The following CDH23 variants were observed in gnomAD, a reference collection of about 807,000 sequenced individuals.
CDH23 encodes the protein cadherin-23.
A neutral mutation model predicts 317.1 loss-of-function variants in CDH23; 189 were observed. The observed-to-expected ratio is 0.60, with a 90% confidence interval of 0.53 to 0.67. CDH23 has a LOEUF of 0.67. Ranked by LOEUF, CDH23 falls within the 30% of genes least tolerant of loss-of-function variation. The pLI, the probability that CDH23 is intolerant of heterozygous loss-of-function variation, is 0.00. For missense variants in CDH23, 4,401 were observed against 4,592.4 expected, an observed-to-expected ratio of 0.96 and a Z score of 1.20; for synonymous variants, 1,839 against 1,876.8, an observed-to-expected ratio of 0.98 and a Z score of 0.52.
intron 14 of CDH23, among the ~76,000 whole-genome samples, chr10:71,660,324 A>G (rs1244031664): frequency 6.6e-6 from 1 of 152,184 alleles, no homozygotes; most frequent in Non-Finnish European, 1.5e-5. Flanking sequence ...CCAGCAACAG[A>G]GACCCCAAAA....
Position 71,760,972 on chromosome 10 carries a change from G to A in CDH23, c.4846-16708G>A, listed in dbSNP as rs180989338. ...CATTAGGTGGGTGTCAGGCCCAGGAGGCCAGGGAGGCTTGTCCAGGCCAGT... is the reference window on the plus strand; with the variant it reads ...CATTAGGTGGGTGTCAGGCCCAGGAAGCCAGGGAGGCTTGTCCAGGCCAGT... On this transcript the variant is annotated intron_variant, in intron 38 of 69. Coordinates refer to ENST00000224721, the MANE Select transcript of CDH23 (RefSeq NM_022124.6). 1.4e-4 allele frequency: 229 copies of A among 1,585,276 alleles called. 2 individuals are homozygous for A. The Admixed American group carries it at 3.7e-3, about 26-fold the overall frequency.
chr10:71,553,683 A>G (rs1339848098), intron 6 of CDH23, among the ~76,000 whole-genome samples: 1 of 152,228 alleles, frequency 6.6e-6, no homozygotes, highest in African/African-American at 2.4e-5. Flanking sequence ...ACCGCTTCCC[A>G]TAGATGTAAG....
intron 3 of CDH23, among the ~76,000 whole-genome samples, chr10:71,479,769 A>G (rs1373204519): frequency 2.6e-5 from 4 of 151,752 alleles, no homozygotes; most frequent in Non-Finnish European, 4.4e-5. Flanking sequence ...GGGGAAGGGA[A>G]GGGGAGGATG....
intron 11 of CDH23, among the ~76,000 whole-genome samples, chr10:71,642,693 C>T (rs1862616550): frequency 6.6e-6 from 1 of 152,218 alleles, no homozygotes; most frequent in Non-Finnish European, 1.5e-5. Flanking sequence ...AGCCACCGCA[C>T]CCGGCCTGGG....
intron 9 of CDH23, among the ~76,000 whole-genome samples, chr10:71,608,002 C>T (rs993113917): frequency 2.0e-5 from 3 of 152,194 alleles, no homozygotes; most frequent in Admixed American, 6.5e-5. Flanking sequence ...AAGTGCCTTA[C>T]GTACATGATC....
At position 71,460,999 on chromosome 10, in the gene CDH23, G is replaced by A. The variant is rs149746113; in HGVS notation, c.145+14604G>A. On this transcript the variant is annotated intron_variant, in intron 3 of 69. Coordinates refer to ENST00000224721, the MANE Select transcript of CDH23 (RefSeq NM_022124.6). Reference sequence around the variant, plus strand: ...TGGGATATCAGAAAGGATCTGTAGTGCAGGGACTTAGTGCACTATTGGGAA... The same window carrying A: ...TGGGATATCAGAAAGGATCTGTAGTACAGGGACTTAGTGCACTATTGGGAA... Among the ~76,000 whole-genome samples, 9 of 152,368 alleles carry A rather than the reference G, an allele frequency of 5.9e-5. No individual in the cohort carries two copies. In the East Asian group the frequency reaches 7.7e-4, roughly 13 times the overall value.
At chr10:71,786,300 A>G (rs970724955) in intron 44 of CDH23, among the ~76,000 whole-genome samples, 3 of 152,124 alleles carry the variant, frequency 2.0e-5, no homozygotes, top group African/African-American at 7.2e-5. Flanking sequence ...AATCTGTGGT[A>G]GATTCCTAGC....
In CDH23 at chr10:71,617,507, A is replaced by C. The variant is rs1194889854; in HGVS notation, c.1134+114A>C. On this transcript the variant is annotated intron_variant, in intron 11 of 69. Transcript: ENST00000224721. ...ATAGAAACAAACATTGCGGCACCCC[A>C]CTCCTGGTAGGTTCTGAGGATAAAT... 2.6e-6 allele frequency: 4 copies of C among 1,516,114 alleles called. No homozygotes were observed. The South Asian group carries it at 4.8e-5, about 18-fold the overall frequency. 93.9% of individuals were successfully genotyped at this position (1,516,114 alleles called of 1,614,324 possible).
intron 11 of CDH23, among the ~76,000 whole-genome samples, chr10:71,639,639 C>A (rs1379565556): frequency 2.0e-5 from 3 of 152,190 alleles, no homozygotes; most frequent in Non-Finnish European, 4.4e-5. Flanking sequence ...TGAACACTTA[C>A]CCCCTCTGGC....
intron 9 of CDH23, among the ~76,000 whole-genome samples, chr10:71,609,574 C>G (rs917584820): frequency 6.6e-6 from 1 of 152,176 alleles, no homozygotes; most frequent in Non-Finnish European, 1.5e-5. Context: ...CCCTGCAGAC[C>G]GTCTCTTTCT....
intron 3 of CDH23, among the ~76,000 whole-genome samples, chr10:71,450,557 C>T (rs1041840390): frequency 9.2e-5 from 14 of 152,318 alleles, no homozygotes; most frequent in Admixed American, 4.6e-4. Flanking sequence ...CGTGAGCCAC[C>T]GCGTCTTGCC....
At position 71,807,750 on chromosome 10, in the gene CDH23, A is replaced by C. The variant is rs1841778077; in HGVS notation, c.8543A>C (p.Lys2848Thr). The change falls in exon 59 of 70, where the codon AAG (lysine) becomes ACG (threonine). Residue 2848 changes from lysine to threonine, a missense_variant. Coordinates refer to ENST00000224721, the MANE Select transcript of CDH23 (RefSeq NM_022124.6). ...DINDQPPRFT[K>T]AEYTAGVATD... ...AACGACCAGCCACCACGCTTCACCA[A>C]GGCTGAGTACACTGCAGGTGCAGGG... is the stretch of plus-strand genomic sequence containing the variant. 1.9e-6 allele frequency: 3 copies of C among 1,604,598 alleles called. No individual in the cohort carries two copies. In the South Asian group the frequency reaches 3.3e-5, roughly 18 times the overall value.
chr10:71,546,143 C>T (rs1856266993), intron 6 of CDH23, among the ~76,000 whole-genome samples: 1 of 152,024 alleles, frequency 6.6e-6, no homozygotes, highest in South Asian at 2.1e-4. Context: ...GCTCATATCC[C>T]CTCTCGGTGT....
intron 9 of CDH23, among the ~76,000 whole-genome samples, chr10:71,583,989 T>C (rs1363778770): frequency 3.3e-5 from 5 of 151,264 alleles, no homozygotes; most frequent in Non-Finnish European, 5.9e-5. Flanking sequence ...CTGGGAATTA[T>C]TAGAAATGCA....
At chr10:71,698,998 C>T (rs773917809) in intron 22 of CDH23, among the ~76,000 whole-genome samples, 7 of 152,214 alleles carry the variant, frequency 4.6e-5, no homozygotes, top group South Asian at 2.1e-4. Flanking sequence ...CCCGATAGAA[C>T]TGTGATCAGC....
chr10:71,799,764 G>A, intron 52 of CDH23, 135 bp downstream of exon 52: 1 of 1,184,444 alleles, frequency 8.4e-7, no homozygotes, highest in East Asian at 2.4e-5. Context: ...AGGTTCTTTA[G>A]CCAAGTCAGC....
At chr10:71,675,480 C>G (rs1341167521) in intron 15 of CDH23, among the ~76,000 whole-genome samples, 2 of 152,166 alleles carry the variant, frequency 1.3e-5, no homozygotes, top group Non-Finnish European at 2.9e-5. Context: ...AGCGACAGCA[C>G]ACCGCCACCA....
At chr10:71,727,689 A>G (rs1208910173) in intron 30 of CDH23, among the ~76,000 whole-genome samples, 1 of 152,124 alleles carries the variant, frequency 6.6e-6, no homozygotes. Context: ...ACATATGCCC[A>G]CGCACACCTC....
chr10:71,617,181 G>C, intron 10 of CDH23, 24 bp from the exon 11 acceptor site: 2 of 1,601,666 alleles, frequency 1.2e-6, no homozygotes, highest in Non-Finnish European at 1.7e-6. Context: ...CCTTCACTCC[G>C]GGGTGACTGA....
Sources: gnomAD v4.1 joint callset for allele counts (sites outside exome capture counted in the v4.1 genomes callset) on GRCh38, gnomAD v4.1.1 for gene constraint, MANE v1.5 for transcripts, NCBI Gene and HGNC (gene_info 2026-07-23, HGNC 2026-07-21) for gene names.